The following HELZ variants were observed in gnomAD, a reference collection of about 807,000 sequenced individuals.
HELZ encodes helicase with zinc finger.
In HELZ, 23 loss-of-function variants were observed where a neutral mutation model predicts 218.2. The ratio of observed to expected loss-of-function variants is 0.11; its 90% CI spans 0.08 to 0.15. The LOEUF (loss-of-function observed/expected upper bound fraction) is 0.15, where lower values mean the gene tolerates loss of function less well. Among genes scored for constraint, HELZ ranks in the 10% least tolerant of loss-of-function variants. HELZ has a pLI of 1.00. For synonymous variants in HELZ, 814 were observed against 829.4 expected (o/e 0.98, Z 0.32); for missense variants, 1,813 against 2,353.7 (o/e 0.77, Z 4.75).
At chr17:67,086,239 A>C (rs1020896070) in intron 32 of HELZ, among the ~76,000 whole-genome samples, 1 of 152,190 alleles carries the variant, frequency 6.6e-6, no homozygotes, top group East Asian at 1.9e-4. Flanking sequence ...TTTCAATCAC[A>C]GGTCAAAATG....
chr17:67,210,308 C>G lies in HELZ; in HGVS notation c.247+5591G>C, dbSNP rs114653606. On this transcript the variant is annotated intron_variant, in intron 5 of 32. Transcript: ENST00000358691. The stretch of plus-strand genomic sequence containing the variant: ...CCAGAGAGAGTACAGAAGTTTCAAC[C>G]AATCGCCTATCAATTTGCCTTTTCT... 5.8e-3 allele frequency among the ~76,000 whole-genome samples: 886 copies of G among 152,284 alleles called. 11 individuals carry two copies. Among genetic ancestry groups the G allele is most frequent in the African/African-American group, 0.019 (799 of 41,560 alleles).
At position 67,108,665 on chromosome 17, in the gene HELZ, C is replaced by A. The variant is rs1043213630; in HGVS notation, c.4551G>T (p.Gln1517His). ...TGAGAAAGGCATGATGCTCGCTCCACTGCTGGAACCGTGCCTGCTGCTGCC... is the reference window on the plus strand; with the variant it reads ...TGAGAAAGGCATGATGCTCGCTCCAATGCTGGAACCGTGCCTGCTGCTGCC... Reference protein sequence around the residue: ...TLRQQQARFQQWSEHHAFLSQ... With the variant: ...TLRQQQARFQHWSEHHAFLSQ... Residue 1517 changes from glutamine to histidine, a missense_variant, in exon 30 of 33, where the codon CAG (glutamine) becomes CAT (histidine). By Grantham distance (24) the Gln-to-His change is conservative. Coordinates refer to ENST00000358691, the MANE Select transcript of HELZ (RefSeq NM_014877.4). The surrounding 1 kb of genome is among the most constrained non-coding windows in gnomAD (Gnocchi z 4.1). 6.2e-7 allele frequency: 1 copy of A among 1,614,182 alleles called. No individual in the cohort carries two copies. The highest frequency in any genetic ancestry group is 1.7e-5 in the Admixed American group (1 of 60,026).
intron 7 of HELZ, among the ~76,000 whole-genome samples, chr17:67,196,366 G>A (rs1045083926): frequency 2.4e-4 from 36 of 152,282 alleles, no homozygotes; most frequent in African/African-American, 7.0e-4. Flanking sequence ...TTTCAACAAA[G>A]CGCCAACCAT....
chr17:67,230,428 T>C (rs1193627955), intron 3 of HELZ, among the ~76,000 whole-genome samples: 1 of 151,950 alleles, frequency 6.6e-6, no homozygotes, highest in African/African-American at 2.4e-5. Flanking sequence ...AAACCCTGTC[T>C]CTACTAAAAA....
chr17:67,107,746 T>C, intron 30 of HELZ, 61 bp from the exon 31 acceptor site: 2 of 1,434,180 alleles, frequency 1.4e-6, no homozygotes, highest in Non-Finnish European at 1.9e-6. Flanking sequence ...TAAGGAAAGC[T>C]TAGTCAACTA....
intron 31 of HELZ, among the ~76,000 whole-genome samples, chr17:67,091,820 C>T (rs1181377991): frequency 6.6e-6 from 1 of 151,826 alleles, no homozygotes; most frequent in African/African-American, 2.4e-5. Flanking sequence ...ATTTAATTTC[C>T]CCAAGATTTG....
At chr17:67,093,611 T>C (rs11652026) in intron 31 of HELZ, among the ~76,000 whole-genome samples, 28,694 of 151,946 alleles carry the variant, frequency 0.19, 2,770 homozygotes, top group African/African-American at 0.24. Context: ...ATGAGCCTAC[T>C]AGGACTGAGG....
At chr17:67,151,353 T>C (rs1473953932) in intron 17 of HELZ, 129 bp from the exon 18 acceptor site, 6 of 715,110 alleles carry the variant, frequency 8.4e-6, no homozygotes, top group Non-Finnish European at 1.4e-5. Flanking sequence ...TGGTAACCGT[T>C]AGCACTCTAT....
chr17:67,134,205 G>A (rs1395543508), intron 23 of HELZ, among the ~76,000 whole-genome samples: 4 of 152,106 alleles, frequency 2.6e-5, no homozygotes, highest in African/African-American at 7.2e-5. Flanking sequence ...CCAACATGGA[G>A]AAATCCCATC....
chr17:67,167,614 G>C lies in HELZ; in HGVS notation c.1613C>G (p.Pro538Arg). Residue 538 changes from proline to arginine, a missense_variant, in exon 14 of 33, where the codon CCA becomes CGA. Transcript: ENST00000358691. ...CTGTACTAACTTCTGTTTAGGGACT[G>C]GTAATAAATAAACAGCATTGACTTT... ...MTKVNAVYLL[P>R]VPKQKLVQTQ... 1 of 1,614,092 alleles carries C rather than the reference G, an allele frequency of 6.2e-7. No individual in the cohort carries two copies. Among genetic ancestry groups the C allele is most frequent in the South Asian group, 1.1e-5 (1 of 91,080 alleles).
In HELZ at chr17:67,178,816, C is replaced by T; in HGVS notation, c.1273G>A (p.Glu425Lys). 1 of 1,613,800 alleles carries T rather than the reference C, an allele frequency of 6.2e-7. No homozygotes were observed. Among genetic ancestry groups the T allele is most frequent in the Non-Finnish European group, 8.5e-7 (1 of 1,179,850 alleles). Residue 425 changes from glutamate (E) to lysine (K), a missense_variant, in exon 13 of 33, where the codon GAG becomes AAG. Transcript: ENST00000358691. The stretch of plus-strand genomic sequence containing the variant: ...TGGTATCTGATAAGAAGGCTCTTCT[C>T]CAAATCAGTAGTTTCATTAGGTTCA... ...DFEPNETTDLEKSLLIRYQIP... is the reference protein window; with the variant it reads ...DFEPNETTDLKKSLLIRYQIP...
At chr17:67,205,960 A>G (rs1012005230) in intron 5 of HELZ, among the ~76,000 whole-genome samples, 6 of 152,250 alleles carry the variant, frequency 3.9e-5, no homozygotes, top group African/African-American at 1.4e-4. Context: ...GAAATAGTCA[A>G]TAACTATAGA....
At chr17:67,089,426 C>T (rs1189356054) in intron 31 of HELZ, among the ~76,000 whole-genome samples, 3 of 151,744 alleles carry the variant, frequency 2.0e-5, no homozygotes, top group Non-Finnish European at 4.4e-5. Context: ...TTGTATCTTC[C>T]AAACTGAAAT....
chr17:67,084,807 C>T (rs1423580984), intron 32 of HELZ, among the ~76,000 whole-genome samples: 1 of 152,052 alleles, frequency 6.6e-6, no homozygotes, highest in Non-Finnish European at 1.5e-5. Context: ...AATATGATAA[C>T]ATGAGTGAGT....
At chr17:67,082,104 C>T (rs1274634416) in intron 32 of HELZ, among the ~76,000 whole-genome samples, 1 of 152,150 alleles carries the variant, frequency 6.6e-6, no homozygotes. Flanking sequence ...GAAAACTATC[C>T]GGCTCCCCTC....
chr17:67,116,436 A>G (rs2037428968), intron 27 of HELZ, among the ~76,000 whole-genome samples: 1 of 152,062 alleles, frequency 6.6e-6, no homozygotes, highest in South Asian at 2.1e-4. Flanking sequence ...TAAAATAAAC[A>G]AACTTTAAAT....
intron 12 of HELZ, among the ~76,000 whole-genome samples, chr17:67,182,955 C>G (rs961585852): frequency 6.6e-6 from 1 of 152,032 alleles, no homozygotes; most frequent in East Asian, 1.9e-4. Context: ...GTGGGGAAAT[C>G]GAGTGTTCTA....
chr17:67,208,735 G>A (rs2040369803), intron 5 of HELZ, among the ~76,000 whole-genome samples: 1 of 151,582 alleles, frequency 6.6e-6, no homozygotes, highest in Non-Finnish European at 1.5e-5. Context: ...TGGGCAACAT[G>A]GCAAGACACC....
rs1423955833 is a variant in HELZ, at chr17:67,209,645, T to C, written c.248-6202A>G. 2.0e-5 allele frequency among the ~76,000 whole-genome samples: 3 copies of C among 151,998 alleles called. No homozygotes were observed. The East Asian group carries it at 5.8e-4, about 29-fold the overall frequency. On this transcript the variant is annotated intron_variant, in intron 5 of 32. Coordinates refer to ENST00000358691, the MANE Select transcript of HELZ (RefSeq NM_014877.4). ...AAGCTGAAGTATACACAAGTAGTAGTTGAGGATAAAGCAAAGCAACATGCC... is the reference window on the plus strand; with the variant it reads ...AAGCTGAAGTATACACAAGTAGTAGCTGAGGATAAAGCAAAGCAACATGCC...
Sources: allele counts gnomAD v4.1 joint callset (sites outside exome capture counted in the v4.1 genomes callset), GRCh38; gene constraint gnomAD v4.1.1; non-coding constraint Gnocchi (gnomAD v3.1); transcripts MANE v1.5; gene names NCBI Gene and HGNC (gene_info 2026-07-23, HGNC 2026-07-21).